Variants in FAF2 observed in about 807,000 individuals in gnomAD.
FAF2 encodes the protein FAS-associated factor 2.
FAF2 carries 9 observed loss-of-function variants against 62.3 expected under a neutral mutation model. That is an observed-to-expected ratio of 0.14 (90% CI 0.09 to 0.25). The LOEUF is 0.25. Among genes scored for constraint, FAF2 ranks in the 10% least tolerant of loss-of-function variants. FAF2 has a pLI of 1.00. For missense variants in FAF2, 368 were observed against 556.2 expected, an observed-to-expected ratio of 0.66 and a Z score of 3.40; for synonymous variants, 202 against 198.0, an observed-to-expected ratio of 1.02 and a Z score of -0.17.
rs563766938 is a variant in FAF2 at position 176,479,938 on chromosome 5, G to A, written c.132+682G>A. 1.0e-3 allele frequency among the ~76,000 whole-genome samples: 152 copies of A among 152,076 alleles called. 1 individual carries two copies. The highest frequency in any genetic ancestry group is 7.1e-3 in the Admixed American group (109 of 15,270). ...TTGAACTCCTGACCTCAGATGATCC[G>A]CCCCGCTCAGCCTTCCAAAGTGCTG... On this transcript the variant is annotated intron_variant, in intron 2 of 10. Transcript: ENST00000261942.
intron 9 of FAF2, among the ~76,000 whole-genome samples, chr5:176,499,381 C>T (rs931135344): frequency 7.2e-5 from 11 of 152,168 alleles, no homozygotes; most frequent in African/African-American, 2.7e-4. Context: ...CCTGTCTTGG[C>T]CTTCCAAAGT....
intron 3 of FAF2, 104 bp from the exon 4 acceptor site, chr5:176,488,847 A>G: frequency 1.2e-6 from 1 of 860,460 alleles, no homozygotes; most frequent in Non-Finnish European, 1.9e-6. Context: ...TAGAGGAACA[A>G]ATCACATGGA....
intron 10 of FAF2, among the ~76,000 whole-genome samples, 183 bp downstream of exon 10, chr5:176,500,329 G>A (rs1325072918): frequency 6.6e-6 from 1 of 152,114 alleles, no homozygotes; most frequent in Non-Finnish European, 1.5e-5. Flanking sequence ...GACTGCTGTA[G>A]GCTCCTTCAG....
Position 176,464,745 on chromosome 5 carries a change from G to GT in FAF2, c.64-14429dup, listed in dbSNP as rs1162480070. 5.6e-3 allele frequency among the ~76,000 whole-genome samples: 783 copies of GT among 139,990 alleles called. 4 individuals carry two copies. The highest frequency in any genetic ancestry group is 7.4e-3 in the Middle Eastern group (2 of 270). 91.8% of individuals were successfully genotyped at this position (139,990 alleles called of 152,430 possible). ...AGTGAAAATTCTTCAAGGGATATTA[G>GT]TTTTTTTTTTTTTTAAAGACCTTCC... On this transcript the variant is annotated intron_variant, in intron 1 of 10. Transcript: ENST00000261942.
chr5:176,458,492 C>T (rs931538615), intron 1 of FAF2, among the ~76,000 whole-genome samples: 1 of 132,624 alleles, frequency 7.5e-6, no homozygotes. Context: ...TCACTGCAAC[C>T]TCCCAAGTTC....
chr5:176,492,135 C>G, intron 4 of FAF2, 59 bp from the exon 5 acceptor site: 1 of 1,604,874 alleles, frequency 6.2e-7, no homozygotes. Context: ...ACAAATTGGC[C>G]CACTCGATAT....
At chr5:176,464,490 T>G (rs1269652742) in intron 1 of FAF2, among the ~76,000 whole-genome samples, 1 of 5,450 alleles carries the variant, frequency 1.8e-4, no homozygotes, top group Non-Finnish European at 3.3e-4. Context: ...GCTGATTCTT[T>G]TTTTTTTTTT....
intron 1 of FAF2, among the ~76,000 whole-genome samples, chr5:176,456,495 C>CT (rs1758279331): frequency 6.6e-6 from 1 of 152,176 alleles, no homozygotes; most frequent in Admixed American, 6.5e-5. Context: ...ATGCTCAAAT[C>CT]TTTAAGGATT....
rs1342699616 is a variant in FAF2, at chr5:176,494,695, C to T, written c.661+420C>T. Among the ~76,000 whole-genome samples the T allele has an allele frequency of 6.6e-6, 1 of 152,134 alleles. No individual in the cohort carries two copies. The highest frequency in any genetic ancestry group is 2.4e-5 in the African/African-American group (1 of 41,420). On this transcript the variant is annotated intron_variant, in intron 7 of 10. Transcript: ENST00000261942. The surrounding 1 kb of genome is among the most constrained non-coding windows in gnomAD (Gnocchi z 4.0). Reference sequence around the variant, plus strand: ...TCAGCCTCCTGAGTAGCTGGAACTACAGGCATGCACCACCACGCCCAGCTA... The same window carrying T: ...TCAGCCTCCTGAGTAGCTGGAACTATAGGCATGCACCACCACGCCCAGCTA...
At chr5:176,464,781 G>T (rs548301652) in intron 1 of FAF2, among the ~76,000 whole-genome samples, 1 of 151,758 alleles carries the variant, frequency 6.6e-6, no homozygotes, top group African/African-American at 2.4e-5. Context: ...CTTATGTGAA[G>T]TTGTGAGGTT....
rs1471037434 is a variant in FAF2 at position 176,451,788 on chromosome 5, A to G, written c.63+3318A>G. ...TACATATATATACGTGTGTGTGTGTATATATATATACATATATATATACAC... is the reference window on the plus strand; with the variant it reads ...TACATATATATACGTGTGTGTGTGTGTATATATATACATATATATATACAC... On this transcript the variant is annotated intron_variant, in intron 1 of 10. Transcript: ENST00000261942. 2.4e-4 allele frequency among the ~76,000 whole-genome samples: 18 copies of G among 73,484 alleles called. 1 individual carries two copies. The highest frequency in any genetic ancestry group is 9.2e-4 in the East Asian group (2 of 2,170). 48.2% of individuals were successfully genotyped at this position (73,484 alleles called of 152,430 possible).
intron 1 of FAF2, among the ~76,000 whole-genome samples, chr5:176,462,510 G>C (rs1439890217): frequency 6.6e-6 from 1 of 152,082 alleles, no homozygotes; most frequent in East Asian, 1.9e-4. Context: ...TGTAGTCCCA[G>C]CTGCTTGGGA....
In FAF2 at chr5:176,500,108, C is replaced by T. The variant is rs1210656384; in HGVS notation, c.1117C>T (p.Arg373Ter). The stretch of plus-strand genomic sequence containing the variant: ...CATCTTCAAATTACCTAATGATTCT[C>T]GAGTAGAGAGACGATTCCACTTTTC... ...KIIFKLPNDS[R>*]VERRFHFSQS... The change falls in exon 10 of 11, where the codon CGA becomes TGA. Residue 373 changes from arginine (R) to a stop codon, truncating the protein, a stop_gained. Coordinates refer to ENST00000261942, the MANE Select transcript of FAF2 (RefSeq NM_014613.3). LOFTEE classifies it high-confidence loss of function. The T allele has an allele frequency of 6.2e-7, 1 of 1,614,128 alleles. No individual in the cohort carries two copies. The highest frequency in any genetic ancestry group is 8.5e-7 in the Non-Finnish European group (1 of 1,179,996).
At chr5:176,501,027 T>C (rs995153763) in intron 10 of FAF2, among the ~76,000 whole-genome samples, 2 of 151,874 alleles carry the variant, frequency 1.3e-5, no homozygotes, top group African/African-American at 4.8e-5. Context: ...CTCGGGAGGC[T>C]GAGGCAGGAG....
intron 4 of FAF2, among the ~76,000 whole-genome samples, chr5:176,490,200 A>G (rs767611188): frequency 6.6e-6 from 1 of 151,802 alleles, no homozygotes; most frequent in African/African-American, 2.4e-5. Context: ...AGTCCCAACT[A>G]CTCAGGAGGC....
intron 1 of FAF2, among the ~76,000 whole-genome samples, chr5:176,460,957 C>CA (rs1410548517): frequency 1.3e-5 from 2 of 151,030 alleles, no homozygotes; most frequent in East Asian, 1.9e-4. Context: ...CCCTTTGACT[C>CA]AAAAAAAGAA....
At position 176,463,273 on chromosome 5, in the gene FAF2, T is replaced by C. The variant is rs555194296; in HGVS notation, c.63+14803T>C. Among the ~76,000 whole-genome samples the C allele has an allele frequency of 2.1e-4, 32 of 151,620 alleles. No homozygotes were observed. In the South Asian group the frequency reaches 3.8e-3, roughly 18 times the overall value. On this transcript the variant is annotated intron_variant, in intron 1 of 10. Transcript: ENST00000261942. ...TTAGCCAGGCATGGTGGCAGACTCCTGTAATCGGGAGGGTGAAACAGGAGA... is the reference window on the plus strand; with the variant it reads ...TTAGCCAGGCATGGTGGCAGACTCCCGTAATCGGGAGGGTGAAACAGGAGA...
At chr5:176,473,645 C>A (rs985162427) in intron 1 of FAF2, among the ~76,000 whole-genome samples, 5 of 152,194 alleles carry the variant, frequency 3.3e-5, no homozygotes, top group Non-Finnish European at 2.9e-5. Context: ...TTCTTCTGCA[C>A]AGGATATTTT....
intron 1 of FAF2, among the ~76,000 whole-genome samples, chr5:176,476,868 G>A (rs557652631): frequency 7.0e-6 from 1 of 142,958 alleles, no homozygotes; most frequent in South Asian, 2.2e-4. Context: ...GGAGTGCAGT[G>A]GCGCTATCTC....
Sources: allele counts gnomAD v4.1 joint callset (sites outside exome capture counted in the v4.1 genomes callset), GRCh38; gene constraint gnomAD v4.1.1; non-coding constraint Gnocchi (gnomAD v3.1); transcripts MANE v1.5; gene names NCBI Gene and HGNC (gene_info 2026-07-23, HGNC 2026-07-21).